The following FRMD3 variants were observed in gnomAD, a reference collection of about 807,000 sequenced individuals.
The protein encoded by FRMD3 is FERM domain-containing protein 3.
In FRMD3, 33 loss-of-function variants were observed where a neutral mutation model predicts 70.2. The observed-to-expected ratio is 0.47, with a 90% CI of 0.36 to 0.63. The LOEUF (loss-of-function observed/expected upper bound fraction) is 0.63, where lower values mean the gene tolerates loss of function less well. Ranked by LOEUF, FRMD3 falls within the 20% of genes least tolerant of loss-of-function variation. The pLI is 0.00. For missense variants in FRMD3, 632 were observed against 711.4 expected (o/e 0.89, Z 1.27); for synonymous variants, 279 against 255.9 (o/e 1.09, Z -0.86).
At position 83,357,238 on chromosome 9, in the gene FRMD3, AATACATACATAT is replaced by A. The variant is rs1310691423; in HGVS notation, c.296-7493_296-7482del. Among the ~76,000 whole-genome samples, 39 of 4,000 alleles carry A rather than the reference AATACATACATAT, an allele frequency of 9.7e-3. 4 individuals are homozygous for A. The highest frequency in any genetic ancestry group is 0.024 in the African/African-American group (32 of 1,344). 2.6% of individuals were successfully genotyped at this position (4,000 alleles called of 152,430 possible). ...GAATATATATATTTTATATATATAT[AATACATACATAT>A]ATATATATATATATATATATATATA... On this transcript the variant is annotated intron_variant, in intron 3 of 13. Coordinates refer to ENST00000304195, the MANE Select transcript of FRMD3 (RefSeq NM_174938.6).
chr9:83,498,181 A>C (rs1170045400), intron 1 of FRMD3, among the ~76,000 whole-genome samples: 1 of 152,168 alleles, frequency 6.6e-6, no homozygotes, highest in Non-Finnish European at 1.5e-5. Flanking sequence ...AAAAAAAAAA[A>C]AATTTGTTGT....
chr9:83,350,251 G>A (rs1372249563), intron 3 of FRMD3, among the ~76,000 whole-genome samples: 1 of 152,094 alleles, frequency 6.6e-6, no homozygotes, highest in Non-Finnish European at 1.5e-5. Context: ...TTAAAAGATG[G>A]AGTCAGCCAT....
chr9:83,500,502 G>GCGCACA (rs1367435493), intron 1 of FRMD3, among the ~76,000 whole-genome samples: 151 of 143,816 alleles, frequency 1.0e-3, no homozygotes, highest in African/African-American at 3.7e-3. Flanking sequence ...GTGTATGCGC[G>GCGCACA]CACACACACA....
rs1832007847 is a variant in FRMD3, at chr9:83,244,756, C to A, written c.*3162G>T. On this transcript the variant is annotated 3_prime_UTR_variant, in exon 14 of 14. Transcript: ENST00000304195. ...AATCACAGTAACATGGCCCCCATAT[C>A]TCTAGTATTTCAATGAAATAAACTC... is the stretch of plus-strand genomic sequence containing the variant. The A allele has an allele frequency of 1.0e-6, 1 of 985,188 alleles. No individual in the cohort carries two copies. The highest frequency in any genetic ancestry group is 1.1e-4 in the East Asian group (1 of 8,826). 61.0% of individuals were successfully genotyped at this position (985,188 alleles called of 1,614,324 possible). A position where few individuals can be genotyped will look rare whatever the true frequency, so the allele number is the denominator to read the frequency against.
the FRMD3 span, among the ~76,000 whole-genome samples, chr9:83,573,736 G>A: frequency 7.7e-6 from 1 of 130,640 alleles, no homozygotes; most frequent in Admixed American, 7.4e-5. Context: ...GGAAAAGAAC[G>A]ATTCTCTCTC....
At chr9:83,258,388 C>A (rs575253191) in intron 13 of FRMD3, among the ~76,000 whole-genome samples, 1 of 152,382 alleles carries the variant, frequency 6.6e-6, no homozygotes, top group African/African-American at 2.4e-5. Flanking sequence ...CCAAATGCTA[C>A]AGCTGAGGTT....
At chr9:83,512,377 T>C (rs1436024172) in intron 1 of FRMD3, among the ~76,000 whole-genome samples, 2 of 152,010 alleles carry the variant, frequency 1.3e-5, no homozygotes. Flanking sequence ...ACACAAGGGG[T>C]GAACAAGTTA....
At chr9:83,554,221 C>T in the FRMD3 span, among the ~76,000 whole-genome samples, 1 of 152,110 alleles carries the variant, frequency 6.6e-6, no homozygotes, top group African/African-American at 2.4e-5. Context: ...TTGTGTGGCT[C>T]CCCTATGTTT....
intron 1 of FRMD3, among the ~76,000 whole-genome samples, chr9:83,479,772 AGGGAGGGAG>A (rs1828519024): frequency 6.3e-5 from 3 of 47,910 alleles, no homozygotes; most frequent in African/African-American, 3.8e-4. Context: ...GGAGGGAGGG[AGGGAGGGAG>A]GGAGGGAAGG....
At chr9:83,297,728 C>A in intron 12 of FRMD3, 1 of 471,672 alleles carries the variant, frequency 2.1e-6, no homozygotes, top group Non-Finnish European at 4.4e-6. Flanking sequence ...CTGCTTCTTA[C>A]AGTGTGATAG....
rs1420306513 is a variant in FRMD3, at chr9:83,537,543, C to A, written c.147+542G>T. Among the ~76,000 whole-genome samples, 1 of 152,198 alleles carries A rather than the reference C, an allele frequency of 6.6e-6. No individual in the cohort carries two copies. Among genetic ancestry groups the A allele is most frequent in the African/African-American group, 2.4e-5 (1 of 41,460 alleles). ...GGGGAAACTTCGCCACCGCCCCACG[C>A]GGAGAACTAAAGACCACCGGCGGAG... On this transcript the variant is annotated intron_variant, in intron 1 of 13. Transcript: ENST00000304195. This position sits in a 1 kb window ranked among gnomAD's most constrained non-coding sequence, Gnocchi z 4.1.
rs561736680 is a variant in FRMD3, at chr9:83,342,326, T to C, written c.472+864A>G. On this transcript the variant is annotated intron_variant, in intron 5 of 13. Coordinates refer to ENST00000304195, the MANE Select transcript of FRMD3 (RefSeq NM_174938.6). ...CCAACCGACATCAACACATTAGCTA[T>C]TTCCCCTAGGGTTTGTTCAACTGGA... is the stretch of plus-strand genomic sequence containing the variant. Among the ~76,000 whole-genome samples, 15 of 152,290 alleles carry C rather than the reference T, an allele frequency of 9.8e-5. No individual in the cohort carries two copies. In the South Asian group the frequency reaches 3.1e-3, roughly 32 times the overall value.
chr9:83,407,753 C>A (rs1391194076), intron 1 of FRMD3, among the ~76,000 whole-genome samples: 2 of 151,752 alleles, frequency 1.3e-5, no homozygotes, highest in Non-Finnish European at 2.9e-5. Flanking sequence ...TTACTGGAGT[C>A]TGATGTGGAA....
chr9:83,411,802 T>C (rs1027452292), intron 1 of FRMD3, among the ~76,000 whole-genome samples: 2 of 152,256 alleles, frequency 1.3e-5, no homozygotes, highest in South Asian at 4.1e-4. Flanking sequence ...TTCATCTGTG[T>C]TAAACTTTGA....
chr9:83,302,921 C>A (rs969204389), intron 10 of FRMD3, among the ~76,000 whole-genome samples: 2 of 152,204 alleles, frequency 1.3e-5, no homozygotes, highest in Admixed American at 1.3e-4. Flanking sequence ...CAACTTCCAA[C>A]TCCCCATCAA....
intron 1 of FRMD3, among the ~76,000 whole-genome samples, chr9:83,423,982 C>A (rs1330804289): frequency 1.3e-5 from 2 of 152,202 alleles, no homozygotes; most frequent in African/African-American, 4.8e-5. Flanking sequence ...TCTATCATCA[C>A]AGAAAGTTCT....
chr9:83,553,769 TTTCTG>T, the FRMD3 span, among the ~76,000 whole-genome samples: 1 of 152,190 alleles, frequency 6.6e-6, no homozygotes, highest in Admixed American at 6.5e-5. Context: ...TTTATTGTGA[TTTCTG>T]TTCTCCTTGG....
chr9:83,513,794 G>A (rs527574083), intron 1 of FRMD3, among the ~76,000 whole-genome samples: 24 of 152,264 alleles, frequency 1.6e-4, no homozygotes, highest in African/African-American at 5.3e-4. Flanking sequence ...GTTAGACAGT[G>A]GGTGCAGCCC....
intron 1 of FRMD3, among the ~76,000 whole-genome samples, chr9:83,440,820 TG>T (rs1189119698): frequency 1.3e-5 from 2 of 152,096 alleles, no homozygotes; most frequent in Non-Finnish European, 2.9e-5. Flanking sequence ...AGATTACAGA[TG>T]GTATATGTGA....
Sources: gnomAD v4.1 joint callset for allele counts (sites outside exome capture counted in the v4.1 genomes callset) on GRCh38, gnomAD v4.1.1 for gene constraint, Gnocchi (gnomAD v3.1) non-coding constraint, MANE v1.5 for transcripts, NCBI Gene and HGNC (gene_info 2026-07-23, HGNC 2026-07-21) for gene names.